TRPM2: variants seen among roughly 807,000 people sequenced by gnomAD.
TRPM2 encodes the protein estrogen-responsive element-associated gene 1 protein.
Under a neutral mutation model 174.0 loss-of-function variants are expected in TRPM2, and 161 were observed. The ratio of observed to expected loss-of-function variants is 0.93; its 90% CI spans 0.81 to 1.05. The LOEUF (loss-of-function observed/expected upper bound fraction) is 1.05, where lower values mean the gene tolerates loss of function less well. TRPM2 is among the 50% of genes least tolerant of loss of function. The pLI, the probability that TRPM2 is intolerant of heterozygous loss-of-function variation, is 0.00. For synonymous variants in TRPM2, 954 were observed against 861.3 expected, an observed-to-expected ratio of 1.11 and a Z score of -1.88; for missense variants, 2,057 against 2,038.0, an observed-to-expected ratio of 1.01 and a Z score of -0.18.
At chr21:44,425,293 T>G (rs2050717987) in intron 24 of TRPM2, 2 of 387,510 alleles carry the variant, frequency 5.2e-6, no homozygotes, top group Non-Finnish European at 4.6e-6. Context: ...AGAAGCAAAG[T>G]CTGTTTTCCT....
intron 20 of TRPM2, chr21:44,414,950 A>G (rs2050229141): frequency 6.6e-6 from 1 of 152,184 alleles, no homozygotes; most frequent in African/African-American, 2.4e-5. Flanking sequence ...GCCATCTGTA[A>G]GTGTGAGCAT....
At position 44,397,761 on chromosome 21, in the gene TRPM2, C is replaced by T. The variant is rs755478549; in HGVS notation, c.1947C>T (p.Ile649=). 55 of 1,590,176 alleles carry T rather than the reference C, an allele frequency of 3.5e-5. No homozygotes were observed. Among genetic ancestry groups the T allele is most frequent in the Non-Finnish European group, 4.1e-5 (48 of 1,167,360 alleles). Residue 649 remains isoleucine (I), a synonymous_variant, in exon 13 of 32, where the codon ATC becomes ATT. Coordinates refer to ENST00000397928, the MANE Select transcript of TRPM2 (RefSeq NM_003307.4). ...CTGGTCCCCAGAGCCAGGACTGCAT[C>T]GCAGCGGCCTTGGCCTGCAGCAAGA... ...GIIWAQSQDC[I]AAALACSKIL... is the part of the protein sequence containing the mutation.
intron 31 of TRPM2, among the ~76,000 whole-genome samples, chr21:44,441,260 G>T (rs2051495563): frequency 6.6e-6 from 1 of 151,982 alleles, no homozygotes; most frequent in Non-Finnish European, 1.5e-5. Flanking sequence ...AGGGCCCTGT[G>T]TAGTTCTGGG....
intron 8 of TRPM2, among the ~76,000 whole-genome samples, chr21:44,380,996 T>C (rs867683797): frequency 1.3e-5 from 2 of 151,924 alleles, no homozygotes; most frequent in South Asian, 4.2e-4. Context: ...AGGATGGGGG[T>C]GCTGAAAGCC....
chr21:44,390,890 C>T lies in TRPM2; in HGVS notation c.1319-14C>T, dbSNP rs1438988999. On this transcript the variant is annotated splice_polypyrimidine_tract_variant and intron_variant, in intron 9 of 31. Coordinates refer to ENST00000397928, the MANE Select transcript of TRPM2 (RefSeq NM_003307.4). ...CTCCAGATCGAGGCCCAATATGCAC[C>T]TGTTCATCTGCAGCCTCACGGAGCC... The T allele has an allele frequency of 1.9e-6, 3 of 1,613,888 alleles. No individual in the cohort carries two copies. The highest frequency in any genetic ancestry group is 2.5e-6 in the Non-Finnish European group (3 of 1,180,036).
chr21:44,418,191 G>A, intron 21 of TRPM2, 83 bp downstream of exon 21: 2 of 1,521,378 alleles, frequency 1.3e-6, no homozygotes, highest in South Asian at 2.5e-5. Context: ...GCTCTGCCCA[G>A]AACCCTGGAC....
chr21:44,424,447 G>A (rs1386387871), intron 23 of TRPM2, among the ~76,000 whole-genome samples: 1 of 152,216 alleles, frequency 6.6e-6, no homozygotes, highest in Non-Finnish European at 1.5e-5. Flanking sequence ...ATCAGCCTCT[G>A]GGGAGGCTCC....
In TRPM2 at chr21:44,426,725, C is replaced by A. The variant is rs779739081; in HGVS notation, c.3861C>A (p.Asp1287Glu). The A allele has an allele frequency of 6.2e-7, 1 of 1,614,012 alleles. No individual in the cohort carries two copies. Among genetic ancestry groups the A allele is most frequent in the South Asian group, 1.1e-5 (1 of 91,088 alleles). ...AGAGGAAGGACGCGGCCGCCATGGA[C>A]CCCATGGGAGAGTGAGTATGAGCCG... ...TAERKDAAAM[D>E]PMGDTLEPLS... is the part of the protein sequence containing the mutation. Residue 1287 changes from aspartate to glutamate, a missense_variant, in exon 26 of 32, where the codon GAC becomes GAA. Transcript: ENST00000397928.
rs757441917 is a variant in TRPM2, at chr21:44,406,765, G to A, written c.2962G>A (p.Gly988Ser). ...IFGQIPGYIDGVNFNPEHCSP... is the reference protein window; with the variant it reads ...IFGQIPGYIDSVNFNPEHCSP... ...CGGGCAGATCCCGGGCTACATCGAC[G>A]GTAGGAGCCGGGCGCCATGGGAGCT... Residue 988 changes from glycine to serine, a missense_variant and splice_region_variant, in exon 19 of 32, where the codon GGT (glycine) becomes AGT (serine). Coordinates refer to ENST00000397928, the MANE Select transcript of TRPM2 (RefSeq NM_003307.4). The A allele has an allele frequency of 2.4e-5, 39 of 1,598,306 alleles. No homozygotes were observed. Among genetic ancestry groups the A allele is most frequent in the South Asian group, 1.8e-4 (16 of 89,380 alleles).
chr21:44,399,842 C>G lies in TRPM2; in HGVS notation c.2208+401C>G, dbSNP rs1005554473. 1.3e-5 allele frequency among the ~76,000 whole-genome samples: 2 copies of G among 152,166 alleles called. No homozygotes were observed. Among genetic ancestry groups the G allele is most frequent in the African/African-American group, 2.4e-5 (1 of 41,454 alleles). On this transcript the variant is annotated intron_variant, in intron 14 of 31. Transcript: ENST00000397928. The surrounding 1 kb of genome is among the most constrained non-coding windows in gnomAD (Gnocchi z 4.6). ...GGCTGCCCTCAGCATCGCCCTGGAA[C>G]CCCCGGCAGGGCCTGGCTCCCAGCG... is the stretch of plus-strand genomic sequence containing the variant.
intron 23 of TRPM2, among the ~76,000 whole-genome samples, chr21:44,424,277 C>T (rs1446567668): frequency 1.3e-5 from 2 of 152,214 alleles, no homozygotes; most frequent in African/African-American, 4.8e-5. Context: ...GGGACCTGTG[C>T]TGCTGGGGCA....
At chr21:44,413,845 C>T in intron 19 of TRPM2, 46 bp from the exon 20 acceptor site, 1 of 1,585,902 alleles carries the variant, frequency 6.3e-7, no homozygotes, top group Admixed American at 1.7e-5. Context: ...CTCCTCTTGA[C>T]TCTGTGTTGT....
At chr21:44,433,830 G>A (rs562459459) in intron 27 of TRPM2, among the ~76,000 whole-genome samples, 3 of 152,310 alleles carry the variant, frequency 2.0e-5, no homozygotes, top group South Asian at 4.1e-4. Context: ...GACTCTGATC[G>A]CTGTGGGCTC....
intron 19 of TRPM2, among the ~76,000 whole-genome samples, chr21:44,407,450 G>GT (rs71197896): frequency 0.056 from 4,825 of 85,802 alleles, 307 homozygotes; most frequent in South Asian, 0.12. Context: ...CATATAGAAG[G>GT]TTTTTTTTTT....
intron 27 of TRPM2, among the ~76,000 whole-genome samples, chr21:44,434,324 G>GTGGCAGGGACGC (rs1274953572): frequency 1.5e-4 from 22 of 150,976 alleles, no homozygotes; most frequent in South Asian, 4.2e-4. Flanking sequence ...GGCGAGGACT[G>GTGGCAGGGACGC]TGGCAGGGAC....
At position 44,438,399 on chromosome 21, in the gene TRPM2, C is replaced by G. The variant is rs566022458; in HGVS notation, c.4168-668C>G. Among the ~76,000 whole-genome samples, 1 of 152,320 alleles carries G rather than the reference C, an allele frequency of 6.6e-6. No homozygotes were observed. The highest frequency in any genetic ancestry group is 2.4e-5 in the African/African-American group (1 of 41,568). On this transcript the variant is annotated intron_variant, in intron 29 of 31. Transcript: ENST00000397928. This position sits in a 1 kb window ranked among gnomAD's most constrained non-coding sequence, Gnocchi z 5.9. ...CACTGAGAGGGGCACTCTGAGGGGCCTCCTGGGTTCCTGGCTCTGTAGGGC... is the reference window on the plus strand; with the variant it reads ...CACTGAGAGGGGCACTCTGAGGGGCGTCCTGGGTTCCTGGCTCTGTAGGGC...
rs114476497 is a variant in TRPM2 at position 44,409,115 on chromosome 21, A to G, written c.2962+2350A>G. Among the ~76,000 whole-genome samples, 1,266 of 152,058 alleles carry G rather than the reference A, an allele frequency of 8.3e-3. 20 individuals are homozygous for G. The highest frequency in any genetic ancestry group is 0.039 in the East Asian group (200 of 5,172). On this transcript the variant is annotated intron_variant, in intron 19 of 31. Coordinates refer to ENST00000397928, the MANE Select transcript of TRPM2 (RefSeq NM_003307.4). ...TGTGCACTGACTTGTTATTTTCTTT[A>G]TGGTGTCATTTGATGCACGAGCTTT...
chr21:44,437,024 C>T (rs1201930509), intron 28 of TRPM2, 38 bp from the exon 29 acceptor site: 2 of 1,540,302 alleles, frequency 1.3e-6, no homozygotes, highest in Non-Finnish European at 1.8e-6. Context: ...GTGGAGGCCG[C>T]AGCGGGTCCT....
At chr21:44,378,949 G>T in intron 7 of TRPM2, 48 bp from the exon 8 acceptor site, 1 of 1,572,020 alleles carries the variant, frequency 6.4e-7, no homozygotes, top group South Asian at 1.1e-5. Context: ...GAAAGCATCG[G>T]AGCGGTGAGG....
Sources: allele counts gnomAD v4.1 joint callset (sites outside exome capture counted in the v4.1 genomes callset), GRCh38; gene constraint gnomAD v4.1.1; non-coding constraint Gnocchi (gnomAD v3.1); transcripts MANE v1.5; gene names NCBI Gene and HGNC (gene_info 2026-07-23, HGNC 2026-07-21).